The following BMERB1 variants were observed in gnomAD, a reference collection of about 807,000 sequenced individuals.
BMERB1 encodes the protein bMERB domain-containing protein 1.
A neutral mutation model predicts 23.6 loss-of-function variants in BMERB1; 12 were observed. That is an observed-to-expected ratio of 0.51 (90% confidence interval 0.33 to 0.82). The LOEUF (loss-of-function observed/expected upper bound fraction) is 0.82. BMERB1 is among the 40% of genes least tolerant of loss of function. The probability of loss-of-function intolerance (pLI) is 0.03; values close to 1 mark genes in which losing one functional copy is unlikely to be tolerated. For synonymous variants in BMERB1, 122 were observed against 96.6 expected (o/e 1.26, Z -1.54); for missense variants, 247 against 255.4 (o/e 0.97, Z 0.22).
chr16:15,434,681 C>T lies in BMERB1; in HGVS notation c.28C>T (p.His10Tyr). ...GGAATTAAAGCAATCTTTGTCCACCCATCTGGAAGCCGAGAAGCCTCTGAG... is the reference window on the plus strand; with the variant it reads ...GGAATTAAAGCAATCTTTGTCCACCTATCTGGAAGCCGAGAAGCCTCTGAG... MELKQSLST[H>Y]LEAEKPLRRY... is the part of the protein sequence containing the mutation. Residue 10 changes from histidine to tyrosine, a missense_variant, in exon 1 of 6, where the codon CAT becomes TAT. Coordinates refer to ENST00000300006, the MANE Select transcript of BMERB1 (RefSeq NM_033201.3). 1 of 1,613,848 alleles carries T rather than the reference C, an allele frequency of 6.2e-7. No individual in the cohort carries two copies. The highest frequency in any genetic ancestry group is 8.5e-7 in the Non-Finnish European group (1 of 1,179,920).
intron 2 of BMERB1, among the ~76,000 whole-genome samples, chr16:15,556,509 C>T (rs1478547994): frequency 4.6e-5 from 7 of 152,310 alleles, no homozygotes; most frequent in Admixed American, 2.0e-4. Context: ...GTGTCTAAAG[C>T]GGGTTGTATC....
Position 15,466,985 on chromosome 16 carries a change from G to T in BMERB1, c.106+32226G>T, listed in dbSNP as rs561536741. ...TTTGAGATTGGCTTTTTCACTCACC[G>T]TAATTCTCTCAAGATCCATCCAAGT... On this transcript the variant is annotated intron_variant, in intron 1 of 5. Coordinates refer to ENST00000300006, the MANE Select transcript of BMERB1 (RefSeq NM_033201.3). Among the ~76,000 whole-genome samples, 3 of 152,110 alleles carry T rather than the reference G, an allele frequency of 2.0e-5. No homozygotes were observed. The East Asian group carries it at 5.8e-4, about 29-fold the overall frequency.
At chr16:15,435,757 G>A (rs1343011144) in intron 1 of BMERB1, among the ~76,000 whole-genome samples, 1 of 152,210 alleles carries the variant, frequency 6.6e-6, no homozygotes, top group Non-Finnish European at 1.5e-5. Flanking sequence ...GGAAAATTGT[G>A]TGTGCGCGCT....
At chr16:15,577,116 T>C (rs58021848) in intron 3 of BMERB1, 110,528 of 152,018 alleles carry the variant, frequency 0.73, 41,008 homozygotes, top group African/African-American at 0.89. Context: ...CATGTTGTCT[T>C]CTCCTTACTG....
chr16:15,435,658 C>T (rs1031626291), intron 1 of BMERB1, among the ~76,000 whole-genome samples: 1 of 152,194 alleles, frequency 6.6e-6, no homozygotes, highest in East Asian at 1.9e-4. Flanking sequence ...GGCTCTGGGT[C>T]ACTGCTCCGC....
intron 5 of BMERB1, chr16:15,583,957 A>T (rs1255240691): frequency 1.4e-6 from 1 of 696,946 alleles, no homozygotes; most frequent in Admixed American, 2.1e-5. Flanking sequence ...TGCATTTCAT[A>T]GAAAGAATTG....
At chr16:15,487,089 G>A (rs1300003547) in intron 1 of BMERB1, among the ~76,000 whole-genome samples, 1 of 152,124 alleles carries the variant, frequency 6.6e-6, no homozygotes, top group Non-Finnish European at 1.5e-5. Flanking sequence ...ATGATAATGG[G>A]AAAATAGGGC....
intron 4 of BMERB1, 57 bp from the exon 5 acceptor site, chr16:15,583,099 T>C: frequency 7.4e-7 from 1 of 1,343,242 alleles, no homozygotes; most frequent in Non-Finnish European, 1.1e-6. Flanking sequence ...ATTGGTTCCT[T>C]GATGCTTTCC....
intron 1 of BMERB1, chr16:15,502,471 T>A: frequency 4.8e-6 from 5 of 1,039,416 alleles, no homozygotes; most frequent in Non-Finnish European, 7.3e-6. Flanking sequence ...AAGCAGTGAC[T>A]TCATCTCTTT....
At chr16:15,505,590 G>A (rs1475320272) in intron 1 of BMERB1, among the ~76,000 whole-genome samples, 2 of 152,114 alleles carry the variant, frequency 1.3e-5, no homozygotes, top group Non-Finnish European at 2.9e-5. Flanking sequence ...GGGAGTTTGA[G>A]TAAAAAAAGT....
intron 1 of BMERB1, among the ~76,000 whole-genome samples, chr16:15,479,201 A>G (rs1259840714): frequency 6.6e-6 from 1 of 152,192 alleles, no homozygotes; most frequent in Non-Finnish European, 1.5e-5. Context: ...ATCTGTTACC[A>G]TGGGCTTGAT....
At chr16:15,532,655 C>T (rs1246508003) in intron 2 of BMERB1, among the ~76,000 whole-genome samples, 1 of 150,982 alleles carries the variant, frequency 6.6e-6, no homozygotes, top group African/African-American at 2.4e-5. Flanking sequence ...ACGCCATTCG[C>T]CTGCCTCAGC....
intron 2 of BMERB1, among the ~76,000 whole-genome samples, chr16:15,549,450 G>A (rs1302272523): frequency 6.6e-6 from 1 of 152,100 alleles, no homozygotes; most frequent in African/African-American, 2.4e-5. Context: ...GGAGGCAGAG[G>A]CAGGCGGATC....
chr16:15,498,773 TG>T (rs2051499306), intron 1 of BMERB1, among the ~76,000 whole-genome samples: 1 of 152,214 alleles, frequency 6.6e-6, no homozygotes, highest in Admixed American at 6.5e-5. Flanking sequence ...AGGGTGATTT[TG>T]TCCCCCAGGG....
At position 15,497,061 on chromosome 16, in the gene BMERB1, C is replaced by T. The variant is rs576405937; in HGVS notation, c.107-18244C>T. 6.3e-4 allele frequency among the ~76,000 whole-genome samples: 96 copies of T among 152,254 alleles called. 1 individual carries two copies. In the South Asian group the frequency reaches 0.019, roughly 31 times the overall value. Reference sequence around the variant, plus strand: ...GGAAACTCATTCTTCCTTAGAGCCCCAAGAAGGACAGGCAATCCTGCTGAC... The same window carrying T: ...GGAAACTCATTCTTCCTTAGAGCCCTAAGAAGGACAGGCAATCCTGCTGAC... On this transcript the variant is annotated intron_variant, in intron 1 of 5. Transcript: ENST00000300006.
At position 15,586,943 on chromosome 16, in the gene BMERB1, C is replaced by T. The variant is rs2031163032; in HGVS notation, c.*114C>T. The T allele has an allele frequency of 2.8e-6, 2 of 720,170 alleles. No individual in the cohort carries two copies. Among genetic ancestry groups the T allele is most frequent in the Non-Finnish European group, 4.6e-6 (2 of 436,476 alleles). 44.6% of individuals were successfully genotyped at this position (720,170 alleles called of 1,614,324 possible). On this transcript the variant is annotated 3_prime_UTR_variant, in exon 6 of 6. Transcript: ENST00000300006. ...CAAGGCAGAAGGGGTTGAAGGCAAG[C>T]CCGTGACTGTCACCAGAGGCCATGG...
chr16:15,489,022 C>CTT (rs755804580), intron 1 of BMERB1, among the ~76,000 whole-genome samples: 27 of 151,890 alleles, frequency 1.8e-4, no homozygotes, highest in Non-Finnish European at 3.2e-4. Context: ...TCCATGAGGG[C>CTT]TTTGTTCTTA....
At chr16:15,523,112 G>A (rs1487678502) in intron 2 of BMERB1, among the ~76,000 whole-genome samples, 2 of 151,842 alleles carry the variant, frequency 1.3e-5, no homozygotes, top group African/African-American at 2.4e-5. Context: ...GAGTCAGGCC[G>A]CCCAGCAGCC....
chr16:15,529,479 T>C (rs2150958780), intron 2 of BMERB1, among the ~76,000 whole-genome samples: 1 of 152,178 alleles, frequency 6.6e-6, no homozygotes, highest in East Asian at 1.9e-4. Flanking sequence ...CCTGTCCCAT[T>C]ACCATCCCTG....
Sources: allele counts gnomAD v4.1 joint callset (sites outside exome capture counted in the v4.1 genomes callset), GRCh38; gene constraint gnomAD v4.1.1; transcripts MANE v1.5; gene names NCBI Gene and HGNC (gene_info 2026-07-23, HGNC 2026-07-21).